Variants in GASK1A observed in about 807,000 individuals in gnomAD.
GASK1A encodes Golgi-associated kinase 1A.
A neutral mutation model predicts 41.2 loss-of-function variants in GASK1A; 40 were observed. That is an observed-to-expected ratio of 0.97 (90% CI 0.75 to 1.27). GASK1A has a LOEUF of 1.27. Among genes scored for constraint, GASK1A ranks in the 50% most tolerant of loss-of-function variants. GASK1A has a pLI of 0.00. For missense variants in GASK1A, 678 were observed against 745.1 expected, an observed-to-expected ratio of 0.91 and a Z score of 1.05; for synonymous variants, 316 against 307.1, an observed-to-expected ratio of 1.03 and a Z score of -0.30.
chr3:43,044,309 G>A (rs1360215560), intron 2 of GASK1A, among the ~76,000 whole-genome samples: 8 of 152,178 alleles, frequency 5.3e-5, no homozygotes, highest in South Asian at 2.1e-4. Context: ...AGGCTTGTGC[G>A]TGGAAGAGAT....
At position 43,015,615 on chromosome 3, in the gene GASK1A, G is replaced by T. The variant is rs186581316; in HGVS notation, c.4-16652G>T. 6.0e-3 allele frequency among the ~76,000 whole-genome samples: 903 copies of T among 151,694 alleles called. 7 individuals are homozygous for T. Among genetic ancestry groups the T allele is most frequent in the African/African-American group, 0.02 (847 of 41,334 alleles). ...AGGAAAGTAGGAAGTCACAGGAAGC[G>T]GGTGTGTGAAGTCACTGAAAGGGGC... is the stretch of plus-strand genomic sequence containing the variant. On this transcript the variant is annotated intron_variant, in intron 1 of 4. Coordinates refer to ENST00000430121, the MANE Select transcript of GASK1A (RefSeq NM_001129908.3).
intron 2 of GASK1A, among the ~76,000 whole-genome samples, chr3:43,036,607 A>G (rs2089605991): frequency 6.6e-6 from 1 of 152,236 alleles, no homozygotes; most frequent in Admixed American, 6.5e-5. Flanking sequence ...ACACTGTGTA[A>G]CAAACCTCCA....
chr3:42,997,152 A>C (rs2089379918), intron 1 of GASK1A, among the ~76,000 whole-genome samples: 1 of 151,964 alleles, frequency 6.6e-6, no homozygotes, highest in Admixed American at 6.5e-5. Context: ...GAGATGAATA[A>C]TTTTTTCTTC....
chr3:43,053,667 C>A, intron 3 of GASK1A, 24 bp downstream of exon 3: 1 of 1,551,648 alleles, frequency 6.4e-7, no homozygotes, highest in South Asian at 1.2e-5. Flanking sequence ...ACACCATCCC[C>A]TTGTCACCCC....
chr3:43,000,970 G>T (rs1351340754), intron 1 of GASK1A, among the ~76,000 whole-genome samples: 1 of 152,104 alleles, frequency 6.6e-6, no homozygotes. Context: ...AGACCCTATG[G>T]CACCATCATG....
chr3:42,984,105 C>G lies in GASK1A; in HGVS notation c.3+4460C>G, dbSNP rs1418421522. Among the ~76,000 whole-genome samples the G allele has an allele frequency of 6.6e-6, 1 of 151,990 alleles. No individual in the cohort carries two copies. The highest frequency in any genetic ancestry group is 1.5e-5 in the Non-Finnish European group (1 of 68,010). On this transcript the variant is annotated intron_variant, in intron 1 of 4. Transcript: ENST00000430121. The surrounding 1 kb of genome is among the most constrained non-coding windows in gnomAD (Gnocchi z 4.2). ...TGTGAGTCACCTGGGGCTGTCTTTG[C>G]TTGGATCATCTTGTGATGTGACTGC...
chr3:43,012,839 G>A (rs2089470331), intron 1 of GASK1A, among the ~76,000 whole-genome samples: 1 of 151,872 alleles, frequency 6.6e-6, no homozygotes, highest in South Asian at 2.1e-4. Flanking sequence ...ACAGGAAGGG[G>A]CAGTGTGAAG....
intron 1 of GASK1A, among the ~76,000 whole-genome samples, chr3:43,029,782 G>C (rs1338823839): frequency 6.6e-6 from 1 of 152,194 alleles, no homozygotes; most frequent in Non-Finnish European, 1.5e-5. Context: ...CAGCTGGGCT[G>C]TAACTGAGAT....
chr3:42,981,010 G>A (rs973564821), intron 1 of GASK1A, among the ~76,000 whole-genome samples: 4 of 152,168 alleles, frequency 2.6e-5, no homozygotes, highest in South Asian at 2.1e-4. Flanking sequence ...TGTGGTCTGC[G>A]GCTGAAGCAG....
chr3:42,997,530 C>A (rs2089383340), intron 1 of GASK1A, among the ~76,000 whole-genome samples: 1 of 152,054 alleles, frequency 6.6e-6, no homozygotes, highest in South Asian at 2.1e-4. Context: ...GTGTATCTCC[C>A]AGGGGCCTCT....
chr3:43,029,757 C>T (rs1230826064), intron 1 of GASK1A, among the ~76,000 whole-genome samples: 1 of 152,154 alleles, frequency 6.6e-6, no homozygotes, highest in Non-Finnish European at 1.5e-5. Flanking sequence ...AGGAGGGAGC[C>T]ATGGGCACTT....
In GASK1A at chr3:43,033,412, G is replaced by A. The variant is rs1288889266; in HGVS notation, c.1149G>A (p.Glu383=). Residue 383 remains glutamate, a synonymous_variant, in exon 2 of 5, where the codon GAG becomes GAA. Coordinates refer to ENST00000430121, the MANE Select transcript of GASK1A (RefSeq NM_001129908.3). ...PDVQHLSDPD[E]DQNSLALGWL... ...TGCAGCACCTGAGCGACCCAGATGAGGATCAGAACTCTCTGGCCTTGGGCT... is the reference window on the plus strand; with the variant it reads ...TGCAGCACCTGAGCGACCCAGATGAAGATCAGAACTCTCTGGCCTTGGGCT... 4 of 1,551,576 alleles carry A rather than the reference G, an allele frequency of 2.6e-6. No individual in the cohort carries two copies. The highest frequency in any genetic ancestry group is 3.5e-6 in the Non-Finnish European group (4 of 1,147,002).
At chr3:42,981,329 C>T (rs2089282056) in intron 1 of GASK1A, among the ~76,000 whole-genome samples, 1 of 152,154 alleles carries the variant, frequency 6.6e-6, no homozygotes, top group Non-Finnish European at 1.5e-5. Context: ...CCAGAGACCA[C>T]AGGGCAGCCT....
chr3:43,004,441 T>A (rs1349254339), intron 1 of GASK1A, among the ~76,000 whole-genome samples: 3 of 152,208 alleles, frequency 2.0e-5, no homozygotes, highest in Non-Finnish European at 2.9e-5. Flanking sequence ...AAACATAAAC[T>A]AGCTTATGAG....
chr3:43,010,323 T>C (rs1161311403), intron 1 of GASK1A, among the ~76,000 whole-genome samples: 1 of 152,234 alleles, frequency 6.6e-6, no homozygotes, highest in African/African-American at 2.4e-5. Context: ...TGCTAGGCCA[T>C]ACTCTTCAGT....
At chr3:43,016,105 A>T (rs1008862445) in intron 1 of GASK1A, among the ~76,000 whole-genome samples, 4 of 151,800 alleles carry the variant, frequency 2.6e-5, no homozygotes, top group Non-Finnish European at 4.4e-5. Context: ...GGTCACAGGA[A>T]GGGGCTGTGT....
At chr3:43,035,216 G>A (rs1264350864) in intron 2 of GASK1A, among the ~76,000 whole-genome samples, 1 of 152,170 alleles carries the variant, frequency 6.6e-6, no homozygotes, top group Non-Finnish European at 1.5e-5. Context: ...ATCCCCTTGA[G>A]CCTGACCATT....
intron 1 of GASK1A, among the ~76,000 whole-genome samples, chr3:42,986,843 G>A (rs1322305818): frequency 6.6e-6 from 1 of 152,222 alleles, no homozygotes; most frequent in Non-Finnish European, 1.5e-5. Flanking sequence ...AGAGGAGCAG[G>A]TAGGGAGATG....
In GASK1A at chr3:42,979,521, G is replaced by A. The variant is rs1330052072; in HGVS notation, c.-122G>A. On this transcript the variant is annotated 5_prime_UTR_variant, in exon 1 of 5. Transcript: ENST00000430121. ...TCAGTCCGGGAAACCCGCCCCAGCC[G>A]AGTAGCCGCGCATCCTGGGAAGCCT... The A allele has an allele frequency of 1.6e-5, 18 of 1,101,016 alleles. No individual in the cohort carries two copies. The highest frequency in any genetic ancestry group is 1.8e-5 in the Non-Finnish European group (16 of 867,656). The allele number at this position is 1,101,016 out of a possible 1,614,324, so 68.2% of individuals were successfully genotyped here. A position where few individuals can be genotyped will look rare whatever the true frequency, so the allele number is the denominator to read the frequency against.
Sources: allele counts gnomAD v4.1 joint callset (sites outside exome capture counted in the v4.1 genomes callset), GRCh38; gene constraint gnomAD v4.1.1; non-coding constraint Gnocchi (gnomAD v3.1); transcripts MANE v1.5; gene names NCBI Gene and HGNC (gene_info 2026-07-23, HGNC 2026-07-21).